The following MFHAS1 variants were observed in gnomAD, a reference collection of about 807,000 sequenced individuals.
MFHAS1 encodes the protein malignant fibrous histiocytoma-amplified sequence 1.
A neutral mutation model predicts 70.4 loss-of-function variants in MFHAS1; 50 were observed. That is an observed-to-expected ratio of 0.71 (90% CI 0.57 to 0.90). The LOEUF (loss-of-function observed/expected upper bound fraction) is 0.90. MFHAS1 is among the 40% of genes least tolerant of loss of function. The pLI is 0.00. For missense variants in MFHAS1, 1,795 were observed against 1,347.6 expected, an observed-to-expected ratio of 1.33 and a Z score of -5.20; for synonymous variants, 952 against 620.0, an observed-to-expected ratio of 1.54 and a Z score of -7.96.
At chr8:8,858,408 A>G (rs1031735115) in intron 1 of MFHAS1, among the ~76,000 whole-genome samples, 1 of 152,288 alleles carries the variant, frequency 6.6e-6, no homozygotes, top group Middle Eastern at 3.4e-3. Flanking sequence ...TTTAAATTTA[A>G]TATTTAAAAT....
chr8:8,835,715 G>A (rs1192000463), intron 1 of MFHAS1, among the ~76,000 whole-genome samples: 2 of 152,120 alleles, frequency 1.3e-5, no homozygotes, highest in East Asian at 1.9e-4. Context: ...CCTTTACTGG[G>A]TAAGAGTATT....
At chr8:8,883,921 G>T (rs147495788) in intron 1 of MFHAS1, among the ~76,000 whole-genome samples, 1 of 151,650 alleles carries the variant, frequency 6.6e-6, no homozygotes, top group Non-Finnish European at 1.5e-5. Context: ...ATACTGGTTG[G>T]GTATGGTGGC....
intron 1 of MFHAS1, among the ~76,000 whole-genome samples, chr8:8,847,727 T>C (rs1239285153): frequency 2.6e-5 from 4 of 152,226 alleles, no homozygotes; most frequent in Non-Finnish European, 1.5e-5. Context: ...AGAAAATGTG[T>C]ATGAACTAAA....
chr8:8,804,801 C>T (rs1279289011), intron 1 of MFHAS1, among the ~76,000 whole-genome samples: 2 of 152,242 alleles, frequency 1.3e-5, no homozygotes, highest in Non-Finnish European at 1.5e-5. Context: ...ACACACTGGG[C>T]ACGGATGACG....
chr8:8,889,241 C>T (rs982105443), intron 1 of MFHAS1, among the ~76,000 whole-genome samples: 8 of 152,138 alleles, frequency 5.3e-5, no homozygotes, highest in Non-Finnish European at 1.0e-4. Context: ...CTTAAGACGT[C>T]TATAAAACTC....
At chr8:8,792,044 C>T (rs1371349043) in intron 2 of MFHAS1, among the ~76,000 whole-genome samples, 1 of 152,048 alleles carries the variant, frequency 6.6e-6, no homozygotes, top group Admixed American at 6.6e-5. Context: ...TCGAGACCAT[C>T]CTGGCTAACA....
At chr8:8,871,172 G>C (rs1021150360) in intron 1 of MFHAS1, among the ~76,000 whole-genome samples, 1 of 152,148 alleles carries the variant, frequency 6.6e-6, no homozygotes, top group African/African-American at 2.4e-5. Flanking sequence ...ATATGACTTA[G>C]CCCTCCTCTG....
At chr8:8,847,791 G>C (rs189539194) in intron 1 of MFHAS1, among the ~76,000 whole-genome samples, 1 of 152,154 alleles carries the variant, frequency 6.6e-6, no homozygotes, top group South Asian at 2.1e-4. Flanking sequence ...AACCGCTTCA[G>C]ACAGCAGGTG....
intron 1 of MFHAS1, among the ~76,000 whole-genome samples, chr8:8,803,814 A>C (rs540637652): frequency 4.2e-4 from 64 of 152,166 alleles, no homozygotes; most frequent in Middle Eastern, 3.4e-3. Flanking sequence ...TCTACTAAAA[A>C]AACAAAAATT....
At position 8,786,091 on chromosome 8, in the gene MFHAS1, C is replaced by T. The variant is rs376775298; in HGVS notation, c.3126-36G>A. ...GGACAACAAGAAAGCACAGAGATGA[C>T]AAAAACGTACTGGACAATGCTACCC... On this transcript the variant is annotated intron_variant, in intron 2 of 2. Coordinates refer to ENST00000276282, the MANE Select transcript of MFHAS1 (RefSeq NM_004225.3). 111 of 1,578,960 alleles carry T rather than the reference C, an allele frequency of 7.0e-5. 2 individuals are homozygous for T. The South Asian group carries it at 1.1e-3, about 15-fold the overall frequency.
chr8:8,834,796 C>A (rs1244584159), intron 1 of MFHAS1, among the ~76,000 whole-genome samples: 1 of 152,166 alleles, frequency 6.6e-6, no homozygotes, highest in Admixed American at 6.5e-5. Flanking sequence ...GTAGAAGAAG[C>A]CAGATCTGTG....
At chr8:8,841,608 G>A (rs1028356844) in intron 1 of MFHAS1, among the ~76,000 whole-genome samples, 8 of 152,194 alleles carry the variant, frequency 5.3e-5, no homozygotes, top group Admixed American at 5.2e-4. Context: ...ACAGTCGAGT[G>A]GAGGACTTTT....
At chr8:8,833,423 G>T (rs1807482564) in intron 1 of MFHAS1, among the ~76,000 whole-genome samples, 1 of 152,078 alleles carries the variant, frequency 6.6e-6, no homozygotes, top group Non-Finnish European at 1.5e-5. Flanking sequence ...GAGGCCAGGA[G>T]TTCAAGACCA....
In MFHAS1 at chr8:8,785,201, C is replaced by G. The variant is rs946577294; in HGVS notation, c.*821G>C. 9 of 152,184 alleles carry G rather than the reference C, an allele frequency of 5.9e-5. No homozygotes were observed. Among genetic ancestry groups the G allele is most frequent in the African/African-American group, 2.2e-4 (9 of 41,436 alleles). The allele number at this position is 152,184 out of a possible 1,614,324, so 9.4% of individuals were successfully genotyped here. A position where few individuals can be genotyped will look rare whatever the true frequency, so the allele number is the denominator to read the frequency against. On this transcript the variant is annotated 3_prime_UTR_variant, in exon 3 of 3. Transcript: ENST00000276282. Reference sequence around the variant, plus strand: ...TTTGGCCCCTGAGTGTGCCCCATCTCTGCCCAGCACTAATAACACGTTGGA... The same window carrying G: ...TTTGGCCCCTGAGTGTGCCCCATCTGTGCCCAGCACTAATAACACGTTGGA...
rs928881480 is a variant in MFHAS1 at position 8,803,057 on chromosome 8, G to C, written c.2999-5566C>G. On this transcript the variant is annotated intron_variant, in intron 1 of 2. Transcript: ENST00000276282. ...CACTAAGCCACATATACTCTTAAGG[G>C]GTTTTGGGGATTCAAAGAGTGGTTC... 3.9e-5 allele frequency among the ~76,000 whole-genome samples: 6 copies of C among 152,102 alleles called. No homozygotes were observed. The South Asian group carries it at 1.2e-3, about 32-fold the overall frequency.
At chr8:8,874,373 C>T (rs9644694) in intron 1 of MFHAS1, among the ~76,000 whole-genome samples, 117,061 of 148,350 alleles carry the variant, frequency 0.79, 48,119 homozygotes, top group Non-Finnish European at 0.9. Flanking sequence ...CACACACACA[C>T]ATAATAATCT....
chr8:8,866,538 C>G (rs372561184), intron 1 of MFHAS1, among the ~76,000 whole-genome samples: 92 of 152,050 alleles, frequency 6.1e-4, no homozygotes, highest in African/African-American at 2.2e-3. Context: ...GGCTGGTCTT[C>G]AACTCCTGGG....
Position 8,891,927 on chromosome 8 carries a change from T to C in MFHAS1, c.1132A>G (p.Ile378Val). ...GLWKIKDNPL[I>V]QPPYEVCMKG... ...ATGCAGACCTCGTAGGGGGGCTGGA[T>C]CAGTGGGTTGTCTTTGATCTTCCAC... Residue 378 changes from isoleucine to valine, a missense_variant, in exon 1 of 3, where the codon ATC becomes GTC. Physicochemically the swap from Ile to Val is conservative, Grantham distance 29. Transcript: ENST00000276282. The surrounding 1 kb of genome is among the most constrained non-coding windows in gnomAD (Gnocchi z 5.4). 6.2e-7 allele frequency: 1 copy of C among 1,611,040 alleles called. No individual in the cohort carries two copies. Among genetic ancestry groups the C allele is most frequent in the Non-Finnish European group, 8.5e-7 (1 of 1,178,386 alleles).
intron 1 of MFHAS1, among the ~76,000 whole-genome samples, chr8:8,858,126 C>A (rs1416330363): frequency 6.6e-6 from 1 of 152,288 alleles, no homozygotes; most frequent in South Asian, 2.1e-4. Flanking sequence ...AGTATCTGAA[C>A]AGAAATTGGG....
Sources: gnomAD v4.1 joint callset for allele counts (sites outside exome capture counted in the v4.1 genomes callset) on GRCh38, gnomAD v4.1.1 for gene constraint, Gnocchi (gnomAD v3.1) non-coding constraint, MANE v1.5 for transcripts, NCBI Gene and HGNC (gene_info 2026-07-23, HGNC 2026-07-21) for gene names.